Variants in BRINP1 observed in about 807,000 individuals in gnomAD.
The protein encoded by BRINP1 is BMP/retinoic acid inducible neural specific 1.
A neutral mutation model predicts 72.9 loss-of-function variants in BRINP1; 17 were observed. The ratio of observed to expected loss-of-function variants is 0.23; its 90% confidence interval spans 0.16 to 0.35. BRINP1 has a LOEUF of 0.35. BRINP1 is among the 10% of genes least tolerant of loss of function. The pLI, the probability that BRINP1 is intolerant of heterozygous loss-of-function variation, is 1.00. For synonymous variants in BRINP1, 418 were observed against 378.5 expected, an observed-to-expected ratio of 1.10 and a Z score of -1.21; for missense variants, 850 against 1,001.6, an observed-to-expected ratio of 0.85 and a Z score of 2.04.
chr9:119,237,904 C>G (rs1274351108), intron 5 of BRINP1, among the ~76,000 whole-genome samples: 1 of 152,130 alleles, frequency 6.6e-6, no homozygotes, highest in Non-Finnish European at 1.5e-5. Context: ...TCGTGATCCA[C>G]CCACCTCAGC....
intron 3 of BRINP1, 102 bp downstream of exon 3, chr9:119,248,858 C>T: frequency 9.8e-7 from 1 of 1,024,562 alleles, no homozygotes; most frequent in Middle Eastern, 3.0e-4. Context: ...TGTAGAATGG[C>T]AGAGAAGCTA....
chr9:119,232,380 G>A (rs1830156952), intron 5 of BRINP1, among the ~76,000 whole-genome samples: 1 of 152,128 alleles, frequency 6.6e-6, no homozygotes, highest in African/African-American at 2.4e-5. Context: ...AATAGCTGTA[G>A]TTATCTATTT....
At chr9:119,352,884 T>C (rs915696086) in intron 1 of BRINP1, among the ~76,000 whole-genome samples, 4 of 152,244 alleles carry the variant, frequency 2.6e-5, no homozygotes, top group Non-Finnish European at 5.9e-5. Context: ...TAAATCACTA[T>C]CAACTTCATA....
intron 1 of BRINP1, among the ~76,000 whole-genome samples, chr9:119,338,900 CA>C (rs375121786): frequency 0.028 from 3,235 of 116,334 alleles, 136 homozygotes; most frequent in African/African-American, 0.097. Context: ...AAACAAAAAA[CA>C]AAAAAAAACA....
intron 1 of BRINP1, among the ~76,000 whole-genome samples, chr9:119,351,810 ATTTTTTTATTT>A (rs1179978620): frequency 2.5e-5 from 3 of 122,218 alleles, no homozygotes; most frequent in Non-Finnish European, 3.7e-5. Flanking sequence ...TTCTCTTTTT[ATTTTTTTATTT>A]TTTTTTTATT....
chr9:119,198,963 G>A (rs966405089), intron 7 of BRINP1, among the ~76,000 whole-genome samples: 14 of 152,052 alleles, frequency 9.2e-5, no homozygotes, highest in Admixed American at 3.9e-4. Flanking sequence ...ATGAGCCACC[G>A]TGCCCAGCCT....
chr9:119,306,762 C>T (rs1831001480), intron 2 of BRINP1, among the ~76,000 whole-genome samples: 2 of 152,180 alleles, frequency 1.3e-5, no homozygotes, highest in African/African-American at 4.8e-5. Context: ...CTTAACCACT[C>T]CCTCTATGCT....
intron 5 of BRINP1, among the ~76,000 whole-genome samples, chr9:119,224,930 G>C (rs556275073): frequency 2.7e-4 from 41 of 152,054 alleles, no homozygotes; most frequent in African/African-American, 9.9e-4. Flanking sequence ...TAGAGGAAAC[G>C]AACAATAATG....
chr9:119,252,353 T>A (rs1047402589), intron 2 of BRINP1, among the ~76,000 whole-genome samples: 2 of 152,102 alleles, frequency 1.3e-5, no homozygotes, highest in Admixed American at 1.3e-4. Flanking sequence ...ATAATATTGT[T>A]TTAAGTCACT....
chr9:119,237,115 C>T (rs1305328950), intron 5 of BRINP1, among the ~76,000 whole-genome samples: 1 of 152,136 alleles, frequency 6.6e-6, no homozygotes, highest in Non-Finnish European at 1.5e-5. Context: ...CCAATCTCAA[C>T]CCAACTTCCT....
At chr9:119,208,983 T>A (rs766665735) in intron 6 of BRINP1, 42 bp from the exon 7 acceptor site, 7 of 1,532,018 alleles carry the variant, frequency 4.6e-6, no homozygotes, top group East Asian at 2.3e-5. Flanking sequence ...CTAAGCATGA[T>A]AACACCCATC....
At chr9:119,170,533 T>C (rs1345280378) in intron 7 of BRINP1, among the ~76,000 whole-genome samples, 26 of 152,192 alleles carry the variant, frequency 1.7e-4, no homozygotes, top group Non-Finnish European at 1.5e-5. Context: ...ATGGGGAGAA[T>C]GGAAACAAGT....
intron 7 of BRINP1, among the ~76,000 whole-genome samples, chr9:119,184,083 G>A (rs529578665): frequency 5.3e-5 from 8 of 152,062 alleles, no homozygotes; most frequent in Non-Finnish European, 1.0e-4. Flanking sequence ...CGAGCCACAG[G>A]GGGGGAGAAA....
intron 1 of BRINP1, among the ~76,000 whole-genome samples, chr9:119,332,394 G>A (rs1831308356): frequency 1.3e-5 from 2 of 152,160 alleles, no homozygotes; most frequent in Non-Finnish European, 2.9e-5. Flanking sequence ...TAGTTGTGGT[G>A]GATTACTTTA....
intron 1 of BRINP1, among the ~76,000 whole-genome samples, chr9:119,365,930 T>C (rs1831686291): frequency 6.6e-6 from 1 of 152,066 alleles, no homozygotes; most frequent in Non-Finnish European, 1.5e-5. Flanking sequence ...AACCCCCATG[T>C]TTTTCAGTAT....
chr9:119,317,107 A>AAAATG (rs1250573329), intron 1 of BRINP1, among the ~76,000 whole-genome samples: 1 of 149,152 alleles, frequency 6.7e-6, no homozygotes, highest in African/African-American at 2.6e-5. Context: ...AAAATAAAAT[A>AAAATG]AAGAAAAAAG....
chr9:119,337,029 A>G (rs1831352888), intron 1 of BRINP1, among the ~76,000 whole-genome samples: 1 of 152,068 alleles, frequency 6.6e-6, no homozygotes, highest in Non-Finnish European at 1.5e-5. Flanking sequence ...CGATGGTTCC[A>G]TTTCTAAGCA....
intron 1 of BRINP1, among the ~76,000 whole-genome samples, chr9:119,354,685 A>C (rs7855065): frequency 0.39 from 59,679 of 151,136 alleles, 11,929 homozygotes; most frequent in African/African-American, 0.41. Flanking sequence ...CATAGCAAGA[A>C]CCCCGTCTCT....
chr9:119,173,641 C>T (rs1829445475), intron 7 of BRINP1, among the ~76,000 whole-genome samples: 1 of 149,250 alleles, frequency 6.7e-6, no homozygotes, highest in Non-Finnish European at 1.5e-5. Context: ...GAAAAAACTA[C>T]TTTAAAGTTC....
Sources: allele counts gnomAD v4.1 joint callset (sites outside exome capture counted in the v4.1 genomes callset), GRCh38; gene constraint gnomAD v4.1.1; transcripts MANE v1.5; gene names NCBI Gene and HGNC (gene_info 2026-07-23, HGNC 2026-07-21).